Variants in TSC2 observed in about 807,000 individuals in gnomAD.
TSC2 encodes tuberin.
A neutral mutation model predicts 202.2 loss-of-function variants in TSC2; 29 were observed. The ratio of observed to expected loss-of-function variants is 0.14; its 90% confidence interval spans 0.11 to 0.20. The LOEUF (loss-of-function observed/expected upper bound fraction) is 0.20, where lower values mean the gene tolerates loss of function less well. TSC2 is among the 10% of genes least tolerant of loss of function. The pLI is 1.00. For missense variants in TSC2, 2,429 were observed against 2,420.0 expected, an observed-to-expected ratio of 1.00 and a Z score of -0.08; for synonymous variants, 1,349 against 1,044.0, an observed-to-expected ratio of 1.29 and a Z score of -5.63.
At position 2,048,672 on chromosome 16, in the gene TSC2, G is replaced by T. The variant is rs1223300370; in HGVS notation, c.57G>T (p.Leu19Phe). 1 of 1,614,004 alleles carries T rather than the reference G, an allele frequency of 6.2e-7. No individual in the cohort carries two copies. Among genetic ancestry groups the T allele is most frequent in the Non-Finnish European group, 8.5e-7 (1 of 1,180,026 alleles). The change falls in exon 2 of 42, where the codon TTG becomes TTT. Residue 19 changes from leucine to phenylalanine, a missense_variant. Physicochemically the swap from Leu to Phe is conservative, Grantham distance 22. Transcript: ENST00000219476. ...SGLKEKFKIL[L>F]GLGTPRPNPR... ...TGAAGGAGAAGTTTAAGATTCTGTT[G>T]GGACTGGGAACACCGAGGCCAAATC...
Position 2,084,933 on chromosome 16 carries a change from C to T in TSC2, c.4494-18C>T, listed in dbSNP as rs1215206005. On this transcript the variant is annotated intron_variant, in intron 34 of 41. Transcript: ENST00000219476. ...GCCAGGCCCTCACCTGGGTGCCCAC[C>T]ATCCCCTCCCTGTGCAGTTTCGTGT... The T allele has an allele frequency of 3.7e-6, 6 of 1,613,040 alleles. No homozygotes were observed. Among genetic ancestry groups the T allele is most frequent in the Non-Finnish European group, 5.1e-6 (6 of 1,179,966 alleles).
intron 38 of TSC2, 53 bp from the exon 39 acceptor site, chr16:2,087,800 TAGCCGAGATC>T: frequency 1.3e-6 from 2 of 1,581,280 alleles, no homozygotes; most frequent in Non-Finnish European, 1.7e-6. Flanking sequence ...AACCAGGCAG[TAGCCGAGATC>T]AGCCTTCAGC....
rs746484481 is a variant in TSC2, at chr16:2,075,941, G to A, written c.2639+49G>A. ...TGCCTCCCAGCCGTGGCCCCCGCTAGGCCTTGCGGCAGAAAGCCCCGGCAG... is the reference window on the plus strand; with the variant it reads ...TGCCTCCCAGCCGTGGCCCCCGCTAAGCCTTGCGGCAGAAAGCCCCGGCAG... On this transcript the variant is annotated intron_variant, in intron 23 of 41. Coordinates refer to ENST00000219476, the MANE Select transcript of TSC2 (RefSeq NM_000548.5). 6 of 1,612,544 alleles carry A rather than the reference G, an allele frequency of 3.7e-6. No individual in the cohort carries two copies. The Admixed American group carries it at 1.0e-4, about 27-fold the overall frequency.
intron 31 of TSC2, chr16:2,082,020 G>A: frequency 1.5e-6 from 1 of 681,168 alleles, no homozygotes; most frequent in Non-Finnish European, 2.5e-6. Flanking sequence ...AAGCAGTAGG[G>A]GCCCTGTGGA....
At position 2,084,300 on chromosome 16, in the gene TSC2, G is replaced by A. The variant is rs397514997; in HGVS notation, c.4078G>A (p.Glu1360Lys). The A allele has an allele frequency of 9.3e-6, 15 of 1,612,574 alleles. No individual in the cohort carries two copies. Among genetic ancestry groups the A allele is most frequent in the East Asian group, 2.2e-5 (1 of 44,888 alleles). Residue 1360 changes from glutamate (E) to lysine (K), a missense_variant, in exon 34 of 42, where the codon GAG (glutamate) becomes AAG (lysine). Transcript: ENST00000219476. ...EELVGRGIPI[E>K]RVVSSEGGRP... ...GCTGGTTGGCAGGGGCATCCCCATC[G>A]AGCGAGTCGTCTCCTCGGAGGGTGG...
At chr16:2,059,785 C>G (rs932443721) in intron 10 of TSC2, among the ~76,000 whole-genome samples, 11 of 152,252 alleles carry the variant, frequency 7.2e-5, no homozygotes, top group African/African-American at 2.6e-4. Context: ...TCCCAAAGTG[C>G]TGGAATTATA....
Position 2,051,319 on chromosome 16 carries a change from C to CAA in TSC2, c.225+846_225+847dup, listed in dbSNP as rs1200941889. ...TGGGTGACGGAGCAAGACTCTGTCT[C>CAA]AAAAAAAAAAAAAAGGAAGAGTTTG... is the stretch of plus-strand genomic sequence containing the variant. On this transcript the variant is annotated intron_variant, in intron 3 of 41. Transcript: ENST00000219476. 8.3e-5 allele frequency among the ~76,000 whole-genome samples: 10 copies of CAA among 121,054 alleles called. No individual in the cohort carries two copies. The East Asian group carries it at 2.3e-3, about 28-fold the overall frequency. 79.4% of individuals were successfully genotyped at this position (121,054 alleles called of 152,430 possible).
chr16:2,088,875 GCGCGCGCA>G lies in TSC2; in HGVS notation c.*267_*274del, dbSNP rs940419176. On this transcript the variant is annotated 3_prime_UTR_variant, in exon 42 of 42. Transcript: ENST00000219476. ...GGCCATACAGCACACTCGCGCGTGC[GCGCGCGCA>G]CACACACACACACACAGTCACCTTC... is the stretch of plus-strand genomic sequence containing the variant. The G allele has an allele frequency of 3.9e-5, 19 of 487,806 alleles. No individual in the cohort carries two copies. In the African/African-American group the frequency reaches 3.9e-4, roughly 10 times the overall value. The allele number at this position is 487,806 out of a possible 1,614,324, so 30.2% of individuals were successfully genotyped here. A position where few individuals can be genotyped will look rare whatever the true frequency, so the allele number is the denominator to read the frequency against.
chr16:2,079,684 C>T lies in TSC2; in HGVS notation c.3397+15C>T, dbSNP rs202246408. 51 of 1,566,710 alleles carry T rather than the reference C, an allele frequency of 3.3e-5. No individual in the cohort carries two copies. The East Asian group carries it at 1.2e-3, about 35-fold the overall frequency. The stretch of plus-strand genomic sequence containing the variant: ...TTCCATGTCGGGTGAGCCTTGGCCC[C>T]AGCCACCTCCACACAGGCACCGGGG... On this transcript the variant is annotated intron_variant, in intron 29 of 41. Coordinates refer to ENST00000219476, the MANE Select transcript of TSC2 (RefSeq NM_000548.5). The surrounding 1 kb of genome is among the most constrained non-coding windows in gnomAD (Gnocchi z 4.6).
rs568457786 is a variant in TSC2, at chr16:2,048,199, C to T, written c.-30+134C>T. 1,252 of 1,532,174 alleles carry T rather than the reference C, an allele frequency of 8.2e-4. 8 individuals are homozygous for T. In the African/African-American group the frequency reaches 0.015, roughly 18 times the overall value. 94.9% of individuals were successfully genotyped at this position (1,532,174 alleles called of 1,614,324 possible). ...CCCGACTCCGGAGCTCCGAGCATCC[C>T]TTAGTTTTAAGTCATGGCGGGTGCG... On this transcript the variant is annotated intron_variant, in intron 1 of 41. Coordinates refer to ENST00000219476, the MANE Select transcript of TSC2 (RefSeq NM_000548.5).
intron 18 of TSC2, 65 bp downstream of exon 18, chr16:2,071,681 C>T (rs1393544499): frequency 5.6e-6 from 9 of 1,604,502 alleles, no homozygotes; most frequent in East Asian, 4.5e-5. Context: ...GCTGTGGTGG[C>T]GCTGTTTGCA....
chr16:2,085,802 G>A (rs1596432803), intron 36 of TSC2, among the ~76,000 whole-genome samples: 1 of 152,326 alleles, frequency 6.6e-6, no homozygotes, highest in East Asian at 1.9e-4. Flanking sequence ...GGCAGGGCCT[G>A]GGCTGCTTCT....
At position 2,050,974 on chromosome 16, in the gene TSC2, A is replaced by G. The variant is rs557535115; in HGVS notation, c.225+488A>G. Among the ~76,000 whole-genome samples the G allele has an allele frequency of 5.3e-5, 8 of 152,266 alleles. No homozygotes were observed. In the East Asian group the frequency reaches 9.6e-4, roughly 18 times the overall value. ...CCCCGAATACAACCTTGAGGGACCA[A>G]TCAAGCGTGGAAATGGGGAGCAAAG... On this transcript the variant is annotated intron_variant, in intron 3 of 41. Coordinates refer to ENST00000219476, the MANE Select transcript of TSC2 (RefSeq NM_000548.5).
At position 2,060,688 on chromosome 16, in the gene TSC2, G is replaced by A. The variant is rs911600402; in HGVS notation, c.994G>A (p.Glu332Lys). ...SFYQAMACPN[E>K]VVSYEIVLSI... is the part of the protein sequence containing the mutation. Reference sequence around the variant, plus strand: ...GTTCCAGGCCATGGCATGTCCGAACGAGGTGGTGTCCTATGAGATCGTCCT... The same window carrying A: ...GTTCCAGGCCATGGCATGTCCGAACAAGGTGGTGTCCTATGAGATCGTCCT... The change falls in exon 11 of 42, where the codon GAG becomes AAG. Residue 332 changes from glutamate (E) to lysine (K), a missense_variant. Coordinates refer to ENST00000219476, the MANE Select transcript of TSC2 (RefSeq NM_000548.5). The A allele has an allele frequency of 2.5e-6, 4 of 1,614,102 alleles. No homozygotes were observed. Among genetic ancestry groups the A allele is most frequent in the South Asian group, 2.2e-5 (2 of 91,082 alleles).
Position 2,088,877 on chromosome 16 carries a change from GCGCGCACACA to G in TSC2, c.*269_*278del, listed in dbSNP as rs2091273855. ...CCATACAGCACACTCGCGCGTGCGC[GCGCGCACACA>G]CACACACACACAGTCACCTTCCTCC... On this transcript the variant is annotated 3_prime_UTR_variant, in exon 42 of 42. Coordinates refer to ENST00000219476, the MANE Select transcript of TSC2 (RefSeq NM_000548.5). 6.2e-6 allele frequency: 3 copies of G among 482,032 alleles called. No individual in the cohort carries two copies. Among genetic ancestry groups the G allele is most frequent in the Non-Finnish European group, 1.1e-5 (3 of 274,140 alleles). 29.9% of individuals were successfully genotyped at this position (482,032 alleles called of 1,614,324 possible).
chr16:2,075,513 C>T (rs1204210220), intron 22 of TSC2, among the ~76,000 whole-genome samples: 8 of 135,396 alleles, frequency 5.9e-5, no homozygotes, highest in Admixed American at 5.2e-4. Flanking sequence ...GGCGACAGAG[C>T]CAGACTCATC....
chr16:2,053,754 G>T (rs1214923434), intron 4 of TSC2: 1 of 573,716 alleles, frequency 1.7e-6, no homozygotes, highest in Non-Finnish European at 3.3e-6. Flanking sequence ...AGCTGGTGTG[G>T]GGCTACGGTG....
At chr16:2,063,914 A>G in intron 14 of TSC2, 1 of 408,052 alleles carries the variant, frequency 2.5e-6, no homozygotes, top group Non-Finnish European at 4.7e-6. Context: ...GCGTGCACAC[A>G]GCCACACACA....
At position 2,086,353 on chromosome 16, in the gene TSC2, A is replaced by G. The variant is rs759795928; in HGVS notation, c.4823A>G (p.Tyr1608Cys). 7 of 1,612,772 alleles carry G rather than the reference A, an allele frequency of 4.3e-6. No individual in the cohort carries two copies. Among genetic ancestry groups the G allele is most frequent in the Non-Finnish European group, 5.9e-6 (7 of 1,179,890 alleles). ...TGTGGTGAGGACGGCCAGTTCACCT[A>G]CTGCTGGCACGATGACATCATGCAA... The part of the protein sequence containing the change: ...DVCGEDGQFT[Y>C]CWHDDIMQAV... The change falls in exon 37 of 42, where the codon TAC becomes TGC. Residue 1608 changes from tyrosine to cysteine, a missense_variant. By Grantham distance (194) the Tyr-to-Cys change is radical. Coordinates refer to ENST00000219476, the MANE Select transcript of TSC2 (RefSeq NM_000548.5).
Sources: gnomAD v4.1 joint callset for allele counts (sites outside exome capture counted in the v4.1 genomes callset) on GRCh38, gnomAD v4.1.1 for gene constraint, Gnocchi (gnomAD v3.1) non-coding constraint, MANE v1.5 for transcripts, NCBI Gene and HGNC (gene_info 2026-07-23, HGNC 2026-07-21) for gene names.